CELF2: variants seen among roughly 807,000 people sequenced by gnomAD.
The protein encoded by CELF2 is CUG triplet repeat RNA-binding protein 2.
CELF2 carries 8 observed loss-of-function variants against 62.6 expected under a neutral mutation model. The observed-to-expected ratio is 0.13, with a 90% CI of 0.07 to 0.23. The LOEUF is 0.23. Ranked by LOEUF, CELF2 falls within the 10% of genes least tolerant of loss-of-function variation. CELF2 has a pLI of 1.00. For missense variants in CELF2, 333 were observed against 671.0 expected (o/e 0.50, Z 5.56); for synonymous variants, 258 against 250.0 (o/e 1.03, Z -0.30).
chr10:10,784,762 C>T, the CELF2 span: 1 of 152,346 alleles, frequency 6.6e-6, no homozygotes, highest in East Asian at 1.9e-4. Context: ...ACAGGAATAC[C>T]TGTTCCCATT....
the CELF2 span, among the ~76,000 whole-genome samples, chr10:10,656,210 G>A: frequency 2.0e-5 from 3 of 150,098 alleles, no homozygotes; most frequent in African/African-American, 4.9e-5. Context: ...TCATTAAAAA[G>A]TCAGGAAACA....
At chr10:10,750,019 C>T in the CELF2 span, among the ~76,000 whole-genome samples, 244 of 152,292 alleles carry the variant, frequency 1.6e-3, 1 homozygote, top group Non-Finnish European at 2.8e-3. Flanking sequence ...CGAGGCGGCT[C>T]ACACCTGTAA....
At chr10:10,747,026 A>G in the CELF2 span, among the ~76,000 whole-genome samples, 2 of 152,240 alleles carry the variant, frequency 1.3e-5, no homozygotes, top group Non-Finnish European at 2.9e-5. Flanking sequence ...GCTTCCTTGA[A>G]GTAAGTCCTT....
In CELF2 at chr10:11,255,346, T is replaced by C. The variant is rs3740194; in HGVS notation, c.404-2392T>C. Among the ~76,000 whole-genome samples, 71,779 of 151,946 alleles carry C rather than the reference T, an allele frequency of 0.47. 17,543 individuals carry two copies. The highest frequency in any genetic ancestry group is 0.54 in the Non-Finnish European group (36,816 of 67,940). ...GCTGATGCTTTCCTCACTGAGCTCC[T>C]TCTCTGCACATGAAGCGGAAGATGG... is the stretch of plus-strand genomic sequence containing the variant. On this transcript the variant is annotated intron_variant, in intron 4 of 12. Transcript: ENST00000633077. This position sits in a 1 kb window ranked among gnomAD's most constrained non-coding sequence, Gnocchi z 5.5.
At chr10:10,599,282 A>T in the CELF2 span, among the ~76,000 whole-genome samples, 4 of 152,196 alleles carry the variant, frequency 2.6e-5, no homozygotes, top group Non-Finnish European at 5.9e-5. Context: ...CTGTCACTTA[A>T]TTTCCTTGAC....
At chr10:10,527,232 A>G in the CELF2 span, among the ~76,000 whole-genome samples, 7 of 152,150 alleles carry the variant, frequency 4.6e-5, no homozygotes, top group Non-Finnish European at 8.8e-5. Context: ...ACTTGAGGCC[A>G]GGAGTTCAAA....
At chr10:10,846,067 T>A in intron 1 of CELF2, 6 of 984,074 alleles carry the variant, frequency 6.1e-6, no homozygotes, top group Non-Finnish European at 7.2e-6. Context: ...TTGTAGACTT[T>A]TGTGATTCGA....
chr10:10,779,950 G>A, the CELF2 span, among the ~76,000 whole-genome samples: 1 of 152,134 alleles, frequency 6.6e-6, no homozygotes, highest in Non-Finnish European at 1.5e-5. Context: ...CTGCAGAAAG[G>A]TTTGGGTGGG....
the CELF2 span, among the ~76,000 whole-genome samples, chr10:10,717,759 T>C: frequency 6.6e-6 from 1 of 152,154 alleles, no homozygotes; most frequent in Non-Finnish European, 1.5e-5. Flanking sequence ...AATTATGTGA[T>C]GTTCTACTTG....
At chr10:10,535,265 A>G in the CELF2 span, among the ~76,000 whole-genome samples, 1 of 152,196 alleles carries the variant, frequency 6.6e-6, no homozygotes, top group Non-Finnish European at 1.5e-5. Context: ...CAGGATGAAC[A>G]CCTACAGCTG....
intron 1 of CELF2, among the ~76,000 whole-genome samples, chr10:10,806,510 G>A (rs1484537114): frequency 6.6e-6 from 1 of 152,118 alleles, no homozygotes; most frequent in African/African-American, 2.4e-5. Flanking sequence ...AGCCTCCAGT[G>A]GACTTTCTGA....
intron 1 of CELF2, among the ~76,000 whole-genome samples, chr10:11,139,531 T>C (rs1423062089): frequency 1.3e-5 from 2 of 152,246 alleles, no homozygotes; most frequent in African/African-American, 4.8e-5. Flanking sequence ...TGTTTTCTTA[T>C]AAATAGTTTA....
chr10:10,755,996 T>C, the CELF2 span, among the ~76,000 whole-genome samples: 1 of 152,224 alleles, frequency 6.6e-6, no homozygotes, highest in African/African-American at 2.4e-5. Flanking sequence ...AAATATAAAA[T>C]GCTGCCTGGT....
At chr10:11,129,865 T>C (rs1336843714) in intron 1 of CELF2, among the ~76,000 whole-genome samples, 1 of 152,240 alleles carries the variant, frequency 6.6e-6, no homozygotes, top group Non-Finnish European at 1.5e-5. Context: ...TTTATGTCTC[T>C]GTCTCCTTCA....
Position 11,270,607 on chromosome 10 carries a change from G to C in CELF2, c.619-59G>C, listed in dbSNP as rs1015910204. 3 of 1,349,546 alleles carry C rather than the reference G, an allele frequency of 2.2e-6. No individual in the cohort carries two copies. The East Asian group carries it at 8.3e-5, about 37-fold the overall frequency. The allele number at this position is 1,349,546 out of a possible 1,614,324, so 83.6% of individuals were successfully genotyped here. A position where few individuals can be genotyped will look rare whatever the true frequency, so the allele number is the denominator to read the frequency against. ...AAAGGTAGCTCCGGTGCTGAGTGTCGTGAGCGGATTCCGCCAGCCTGTAAC... is the reference window on the plus strand; with the variant it reads ...AAAGGTAGCTCCGGTGCTGAGTGTCCTGAGCGGATTCCGCCAGCCTGTAAC... On this transcript the variant is annotated intron_variant, in intron 6 of 12. Transcript: ENST00000633077. The surrounding 1 kb of genome is among the most constrained non-coding windows in gnomAD (Gnocchi z 5.8).
chr10:11,236,371 TC>T (rs1483962394), intron 3 of CELF2, among the ~76,000 whole-genome samples: 1 of 152,228 alleles, frequency 6.6e-6, no homozygotes, highest in African/African-American at 2.4e-5. Context: ...TGGATAAGCA[TC>T]AATAACATTA....
At chr10:10,633,292 C>T in the CELF2 span, among the ~76,000 whole-genome samples, 1 of 152,174 alleles carries the variant, frequency 6.6e-6, no homozygotes, top group African/African-American at 2.4e-5. Flanking sequence ...ATCAGTTGCA[C>T]CATCAGAAAT....
At chr10:10,720,641 T>A in the CELF2 span, among the ~76,000 whole-genome samples, 1 of 152,120 alleles carries the variant, frequency 6.6e-6, no homozygotes, top group African/African-American at 2.4e-5. Context: ...GTTAAAAAAA[T>A]AGAGAGAAAT....
At chr10:10,879,382 A>G (rs1298302613) in intron 1 of CELF2, among the ~76,000 whole-genome samples, 1 of 152,184 alleles carries the variant, frequency 6.6e-6, no homozygotes, top group African/African-American at 2.4e-5. Context: ...CACACTAAAG[A>G]CTTGATTTAG....
Sources: allele counts gnomAD v4.1 joint callset (sites outside exome capture counted in the v4.1 genomes callset), GRCh38; gene constraint gnomAD v4.1.1; non-coding constraint Gnocchi (gnomAD v3.1); transcripts MANE v1.5; gene names NCBI Gene and HGNC (gene_info 2026-07-23, HGNC 2026-07-21).